The following TEX15 variants were observed in gnomAD, a reference collection of about 807,000 sequenced individuals.
TEX15 encodes testis expressed 15, meiosis and synapsis associated, also known as testis-expressed protein 15.
A neutral mutation model predicts 237.3 loss-of-function variants in TEX15; 171 were observed. The observed-to-expected ratio is 0.72, with a 90% CI of 0.64 to 0.82. The LOEUF (loss-of-function observed/expected upper bound fraction) is 0.82. Among genes scored for constraint, TEX15 ranks in the 40% least tolerant of loss-of-function variants. The pLI, the probability that TEX15 is intolerant of heterozygous loss-of-function variation, is 0.00. For missense variants in TEX15, 3,750 were observed against 3,646.5 expected (o/e 1.03, Z -0.73); for synonymous variants, 1,338 against 1,269.8 (o/e 1.05, Z -1.14).
chr8:30,896,934 T>C (rs536793549), intron 2 of TEX15, among the ~76,000 whole-genome samples: 4 of 152,194 alleles, frequency 2.6e-5, no homozygotes, highest in Non-Finnish European at 5.9e-5. Context: ...AGAGTGACCA[T>C]TTAAAATATG....
chr8:30,837,381 T>A lies in TEX15; in HGVS notation c.8903A>T (p.Asp2968Val), dbSNP rs370603211. 5.0e-6 allele frequency: 8 copies of A among 1,614,022 alleles called. No individual in the cohort carries two copies. Among genetic ancestry groups the A allele is most frequent in the Non-Finnish European group, 6.8e-6 (8 of 1,179,990 alleles). Residue 2968 changes from aspartate to valine, a missense_variant, in exon 10 of 11, where the codon GAT (aspartate) becomes GTT (valine). Physicochemically the swap from Asp to Val is radical, Grantham distance 152. Transcript: ENST00000643185. ...ATGCACAGTATTGGGATTCAATGTA[T>A]CCTTCATGTATTTGTCCTCTGACTC... ...ETESEDKYMK[D>V]TLNPNTVHTF...
chr8:30,869,263 T>C (rs1808239990), intron 4 of TEX15, among the ~76,000 whole-genome samples: 1 of 151,882 alleles, frequency 6.6e-6, no homozygotes, highest in African/African-American at 2.4e-5. Context: ...TCAGAAACAA[T>C]AGGTAAAACG....
At chr8:30,849,925 A>G (rs938678907) in intron 7 of TEX15, among the ~76,000 whole-genome samples, 3 of 152,106 alleles carry the variant, frequency 2.0e-5, no homozygotes, top group African/African-American at 7.2e-5. Flanking sequence ...GGTGGGGAAG[A>G]ATAAAACTAA....
chr8:30,870,485 T>C (rs1042083924), intron 4 of TEX15, among the ~76,000 whole-genome samples: 1 of 152,002 alleles, frequency 6.6e-6, no homozygotes, highest in African/African-American at 2.4e-5. Flanking sequence ...CACAAGTTCA[T>C]ACAAGGTATT....
chr8:30,883,279 A>G (rs1309763265), intron 3 of TEX15, among the ~76,000 whole-genome samples: 2 of 152,100 alleles, frequency 1.3e-5, no homozygotes, highest in African/African-American at 4.8e-5. Context: ...GCAGCTCTTT[A>G]AATTTAACCA....
chr8:30,859,939 G>T lies in TEX15; in HGVS notation c.659C>A (p.Thr220Asn), dbSNP rs1221802181. 2.0e-6 allele frequency: 3 copies of T among 1,504,142 alleles called. No individual in the cohort carries two copies. Among genetic ancestry groups the T allele is most frequent in the Non-Finnish European group, 8.8e-7 (1 of 1,136,072 alleles). 93.2% of individuals were successfully genotyped at this position (1,504,142 alleles called of 1,614,324 possible). The change falls in exon 6 of 11, where the codon ACC becomes AAC. Residue 220 changes from threonine to asparagine, a missense_variant. Coordinates refer to ENST00000643185, the MANE Select transcript of TEX15 (RefSeq NM_001350162.2). ...TGAACTGTAGGCTTGCAGTTCAATG[G>T]TATCTTTCAAAGAAGGTGCATTTCT... ...MSRNAPSLKD[T>N]IELQAYSSAV...
rs769571701 is a variant in TEX15, at chr8:30,845,434, A to G, written c.4733T>C (p.Phe1578Ser). 1.2e-6 allele frequency: 2 copies of G among 1,612,656 alleles called. No homozygotes were observed. The highest frequency in any genetic ancestry group is 3.3e-5 in the Admixed American group (2 of 59,824). The change falls in exon 8 of 11, where the codon TTT becomes TCT. Residue 1578 changes from phenylalanine (F) to serine (S), a missense_variant. Coordinates refer to ENST00000643185, the MANE Select transcript of TEX15 (RefSeq NM_001350162.2). ...IEKENQIDTA[F>S]LSSTSKYEKL... Reference sequence around the variant, plus strand: ...TTCATATTTACTAGTGCTAGATAAAAATGCTGTATCAATTTGATTTTCTTT... The same window carrying G: ...TTCATATTTACTAGTGCTAGATAAAGATGCTGTATCAATTTGATTTTCTTT...
At position 30,844,234 on chromosome 8, in the gene TEX15, G is replaced by C; in HGVS notation, c.5933C>G (p.Ala1978Gly). The C allele has an allele frequency of 6.2e-7, 1 of 1,612,270 alleles. No individual in the cohort carries two copies. Among genetic ancestry groups the C allele is most frequent in the Non-Finnish European group, 8.5e-7 (1 of 1,179,258 alleles). ...TTCTTTAAAATCACTCACGTATGACGCAGGTTTCTTCAGAAGAGTAGGGAC... is the reference window on the plus strand; with the variant it reads ...TTCTTTAAAATCACTCACGTATGACCCAGGTTTCTTCAGAAGAGTAGGGAC... ...CKVPTLLKKPASYVSDFKEKH... is the reference protein window; with the variant it reads ...CKVPTLLKKPGSYVSDFKEKH... Residue 1978 changes from alanine (A) to glycine (G), a missense_variant, in exon 8 of 11, where the codon GCG (alanine) becomes GGG (glycine). Transcript: ENST00000643185.
At chr8:30,839,988 A>G in intron 8 of TEX15, 24 bp from the exon 9 acceptor site, 1 of 1,451,664 alleles carries the variant, frequency 6.9e-7, no homozygotes, top group Non-Finnish European at 9.4e-7. Context: ...ATACAAAGAA[A>G]ATCTTCATTA....
intron 7 of TEX15, among the ~76,000 whole-genome samples, chr8:30,857,680 A>G (rs1227992703): frequency 1.3e-5 from 2 of 152,246 alleles, no homozygotes; most frequent in Non-Finnish European, 2.9e-5. Flanking sequence ...TAACTTACTT[A>G]GCATTTGAGG....
chr8:30,898,337 T>C (rs978850281), intron 2 of TEX15, among the ~76,000 whole-genome samples: 3 of 152,142 alleles, frequency 2.0e-5, no homozygotes, highest in Non-Finnish European at 2.9e-5. Flanking sequence ...AGCATACTTA[T>C]TAAAGACCCT....
intron 7 of TEX15, among the ~76,000 whole-genome samples, chr8:30,857,792 C>T (rs548989971): frequency 5.8e-4 from 88 of 152,210 alleles, no homozygotes; most frequent in African/African-American, 2.1e-3. Context: ...CAAAAATCCT[C>T]AACTTCATTA....
At chr8:30,901,274 C>T (rs1809000523) in intron 1 of TEX15, among the ~76,000 whole-genome samples, 1 of 152,150 alleles carries the variant, frequency 6.6e-6, no homozygotes, top group South Asian at 2.1e-4. Flanking sequence ...ATAGTGTTTG[C>T]ATAGATATGG....
chr8:30,847,602 G>A lies in TEX15; in HGVS notation c.2565C>T (p.Phe855=). ...GGTTTTCTCTATCTGTTTGTTTTTT[G>A]AAATTAACATTCAGCCATATATCAT... ...LSNDIWLNVN[F]KKQTDRENQN... Residue 855 remains phenylalanine (F), a synonymous_variant, in exon 8 of 11, where the codon TTC becomes TTT. Transcript: ENST00000643185. 1 of 1,611,826 alleles carries A rather than the reference G, an allele frequency of 6.2e-7. No individual in the cohort carries two copies. Among genetic ancestry groups the A allele is most frequent in the Non-Finnish European group, 8.5e-7 (1 of 1,179,516 alleles).
rs993213399 is a variant in TEX15, at chr8:30,842,091, A to G, written c.8076T>C (p.Ser2692=). The part of the protein sequence containing the change: ...ECINKNISNS[S]KKRPSTVDKC... ...TGTCTACAGTGCTCGGTCGTTTTTT[A>G]GAGGAATTTGAGATGTTTTTGTTTA... Residue 2692 remains serine (S), a synonymous_variant, in exon 8 of 11, where the codon TCT becomes TCC. Coordinates refer to ENST00000643185, the MANE Select transcript of TEX15 (RefSeq NM_001350162.2). 2 of 1,613,344 alleles carry G rather than the reference A, an allele frequency of 1.2e-6. No homozygotes were observed. Among genetic ancestry groups the G allele is most frequent in the South Asian group, 1.1e-5 (1 of 90,956 alleles).
chr8:30,872,671 T>C (rs1224814492), intron 4 of TEX15, among the ~76,000 whole-genome samples: 2 of 152,050 alleles, frequency 1.3e-5, no homozygotes, highest in East Asian at 3.9e-4. Flanking sequence ...TCAATGATAT[T>C]GATGATCCTG....
Position 30,832,820 on chromosome 8 carries a change from T to C in TEX15, c.*466A>G, listed in dbSNP as rs1019839802. 1.3e-5 allele frequency: 2 copies of C among 152,422 alleles called. No homozygotes were observed. The highest frequency in any genetic ancestry group is 2.1e-4 in the South Asian group (1 of 4,828). The allele number at this position is 152,422 out of a possible 1,614,324, so 9.4% of individuals were successfully genotyped here. A position where few individuals can be genotyped will look rare whatever the true frequency, so the allele number is the denominator to read the frequency against. ...AAACCAATTTTTCTTATTAAAAATA[T>C]TTTACAAGTAGAAACTATAAAATAC... On this transcript the variant is annotated 3_prime_UTR_variant, in exon 11 of 11. Coordinates refer to ENST00000643185, the MANE Select transcript of TEX15 (RefSeq NM_001350162.2).
chr8:30,845,679 G>T lies in TEX15; in HGVS notation c.4488C>A (p.Val1496=), dbSNP rs1464729156. 6.2e-7 allele frequency: 1 copy of T among 1,613,514 alleles called. No homozygotes were observed. The highest frequency in any genetic ancestry group is 1.7e-5 in the Admixed American group (1 of 59,984). ...CLSRKSMASS[V]SKSHPTTSHM... ...GACTGGTGGTGGGGTGACTTTTTGAGACACTGCTAGCCATACTTTTCCTAG... is the reference window on the plus strand; with the variant it reads ...GACTGGTGGTGGGGTGACTTTTTGATACACTGCTAGCCATACTTTTCCTAG... The change falls in exon 8 of 11, where the codon GTC becomes GTA. Residue 1496 remains valine, a synonymous_variant. Transcript: ENST00000643185.
At position 30,842,951 on chromosome 8, in the gene TEX15, G is replaced by C. The variant is rs547839325; in HGVS notation, c.7216C>G (p.Gln2406Glu). Residue 2406 changes from glutamine to glutamate, a missense_variant, in exon 8 of 11, where the codon CAG becomes GAG. Transcript: ENST00000643185. Reference protein sequence around the residue: ...DHLEILKKYFQMLQDNNMDNI... With the variant: ...DHLEILKKYFEMLQDNNMDNI... The stretch of plus-strand genomic sequence containing the variant: ...TCCATGTTATTATCTTGTAGCATCT[G>C]AAAGTATTTTTTTAAAATTTCTAAG... The C allele has an allele frequency of 6.2e-7, 1 of 1,610,484 alleles. No homozygotes were observed. The highest frequency in any genetic ancestry group is 1.7e-5 in the Admixed American group (1 of 59,556).
Sources: gnomAD v4.1 joint callset for allele counts (sites outside exome capture counted in the v4.1 genomes callset) on GRCh38, gnomAD v4.1.1 for gene constraint, MANE v1.5 for transcripts, NCBI Gene and HGNC (gene_info 2026-07-23, HGNC 2026-07-21) for gene names.